EXT1: variants seen among roughly 807,000 people sequenced by gnomAD.
The protein encoded by EXT1 is exostosin-1.
EXT1 carries 20 observed loss-of-function variants against 82.5 expected under a neutral mutation model. The ratio of observed to expected loss-of-function variants is 0.24; its 90% CI spans 0.17 to 0.35. The LOEUF (loss-of-function observed/expected upper bound fraction) is 0.35. EXT1 is among the 10% of genes least tolerant of loss of function. The pLI, the probability that EXT1 is intolerant of heterozygous loss-of-function variation, is 1.00. For missense variants in EXT1, 757 were observed against 936.5 expected, an observed-to-expected ratio of 0.81 and a Z score of 2.50; for synonymous variants, 348 against 350.8, an observed-to-expected ratio of 0.99 and a Z score of 0.09.
intron 1 of EXT1, among the ~76,000 whole-genome samples, chr8:117,905,810 C>CA (rs1393318941): frequency 5.3e-5 from 8 of 151,888 alleles, no homozygotes; most frequent in South Asian, 2.1e-4. Context: ...GACTCCGTCT[C>CA]AAAAAAACAA....
intron 1 of EXT1, among the ~76,000 whole-genome samples, chr8:117,849,669 G>C (rs1423861815): frequency 2.6e-5 from 4 of 152,168 alleles, no homozygotes; most frequent in Admixed American, 2.6e-4. Context: ...AATGTCTGCA[G>C]AAGAAATTTC....
At chr8:117,947,220 T>G (rs550999828) in intron 1 of EXT1, among the ~76,000 whole-genome samples, 1 of 152,294 alleles carries the variant, frequency 6.6e-6, no homozygotes, top group Admixed American at 6.5e-5. Context: ...GGTAAAATGT[T>G]CTGTCTCTCC....
intron 10 of EXT1, 111 bp from the exon 11 acceptor site, chr8:117,800,008 G>T (rs1214416638): frequency 3.5e-6 from 4 of 1,158,158 alleles, no homozygotes; most frequent in African/African-American, 1.5e-5. Flanking sequence ...CTTGGGGTCT[G>T]GCCCGGCCAC....
intron 1 of EXT1, among the ~76,000 whole-genome samples, chr8:117,996,088 T>C (rs1332753184): frequency 6.6e-6 from 1 of 152,176 alleles, no homozygotes; most frequent in Non-Finnish European, 1.5e-5. Flanking sequence ...ATAAATATAA[T>C]ACAGTGGAAG....
chr8:118,110,048 G>C lies in EXT1; in HGVS notation c.962+37C>G, dbSNP rs915181355. On this transcript the variant is annotated intron_variant, in intron 1 of 10. Transcript: ENST00000378204. ...CTGGACCAAGGCCGGCAGAGCCCAA[G>C]GCTGACTCCCAAAGACACGCCAGCC... The C allele has an allele frequency of 7.4e-6, 12 of 1,612,810 alleles. No individual in the cohort carries two copies. The South Asian group carries it at 1.1e-4, about 15-fold the overall frequency.
At chr8:117,810,730 C>T (rs1823305244) in intron 8 of EXT1, among the ~76,000 whole-genome samples, 1 of 152,170 alleles carries the variant, frequency 6.6e-6, no homozygotes, top group African/African-American at 2.4e-5. Flanking sequence ...CCTGTGTTTG[C>T]CCTCCAAAAT....
At chr8:117,804,953 T>C in intron 9 of EXT1, 60 bp from the exon 10 acceptor site, 1 of 1,547,376 alleles carries the variant, frequency 6.5e-7, no homozygotes, top group Non-Finnish European at 8.9e-7. Context: ...CAAGTGGACT[T>C]CTGAGACAGA....
In EXT1 at chr8:117,819,743, AGGG is replaced by A. The variant is rs886039355; in HGVS notation, c.1466_1468del (p.Pro489del). ...CAACACTGGCTGGGACTGAGAGACC[AGGG>A]GGGTCACCGCATGGATGACTGCAGT... On this transcript the variant is annotated inframe_deletion, in exon 6 of 11. Transcript: ENST00000378204. 1 of 1,613,278 alleles carries A rather than the reference AGGG, an allele frequency of 6.2e-7. No homozygotes were observed. Among genetic ancestry groups the A allele is most frequent in the Admixed American group, 1.7e-5 (1 of 60,006 alleles).
chr8:117,993,735 C>T (rs911134789), intron 1 of EXT1, among the ~76,000 whole-genome samples: 1 of 152,200 alleles, frequency 6.6e-6, no homozygotes, highest in African/African-American at 2.4e-5. Context: ...GAAACCCGTA[C>T]AACTGTAATT....
rs779457389 is a variant in EXT1 at position 118,110,778 on chromosome 8, G to C, written c.269C>G (p.Ser90Cys). The C allele has an allele frequency of 3.7e-6, 6 of 1,614,048 alleles. No homozygotes were observed. The highest frequency in any genetic ancestry group is 4.2e-6 in the Non-Finnish European group (5 of 1,179,942). ...ISPRQKRDAN[S>C]SIYKGKKCRM... ...GCACTTCTTGCCTTTGTAGATGCTGGAGTTGGCATCTCGCTTCTGCCGGGG... is the reference window on the plus strand; with the variant it reads ...GCACTTCTTGCCTTTGTAGATGCTGCAGTTGGCATCTCGCTTCTGCCGGGG... The change falls in exon 1 of 11, where the codon TCC becomes TGC. Residue 90 changes from serine (S) to cysteine (C), a missense_variant. This residue lies in a region of EXT1 where 175 missense variants were observed against 159.0 expected (regional missense o/e 1.10). Transcript: ENST00000378204.
chr8:117,900,855 A>G (rs1813433590), intron 1 of EXT1, among the ~76,000 whole-genome samples: 1 of 152,248 alleles, frequency 6.6e-6, no homozygotes, highest in Non-Finnish European at 1.5e-5. Flanking sequence ...GCTACCATTT[A>G]TTGGTACTTC....
At chr8:117,958,719 C>T (rs1218042472) in intron 1 of EXT1, among the ~76,000 whole-genome samples, 2 of 152,140 alleles carry the variant, frequency 1.3e-5, no homozygotes, top group Admixed American at 1.3e-4. Context: ...TACTATGTAC[C>T]GAAAGGCACT....
At chr8:118,108,817 CT>C (rs1197795553) in intron 1 of EXT1, among the ~76,000 whole-genome samples, 1 of 152,190 alleles carries the variant, frequency 6.6e-6, no homozygotes, top group Non-Finnish European at 1.5e-5. Context: ...CACCATACCC[CT>C]TCCTGTTCCA....
chr8:117,902,587 T>A (rs980111242), intron 1 of EXT1, among the ~76,000 whole-genome samples: 1 of 152,186 alleles, frequency 6.6e-6, no homozygotes, highest in African/African-American at 2.4e-5. Context: ...ATTGTTATAA[T>A]TAGCTCACAC....
At chr8:118,044,229 C>A (rs1378644458) in intron 1 of EXT1, among the ~76,000 whole-genome samples, 1 of 152,156 alleles carries the variant, frequency 6.6e-6, no homozygotes, top group Non-Finnish European at 1.5e-5. Context: ...ACACCACAAA[C>A]TTGTTCTTCT....
intron 1 of EXT1, among the ~76,000 whole-genome samples, chr8:117,869,548 T>C (rs1812834346): frequency 6.6e-6 from 1 of 152,176 alleles, no homozygotes; most frequent in Admixed American, 6.5e-5. Context: ...ACTTAGTAAA[T>C]TTCCTTCTTT....
chr8:117,924,859 C>T (rs1246733978), intron 1 of EXT1, among the ~76,000 whole-genome samples: 1 of 152,144 alleles, frequency 6.6e-6, no homozygotes, highest in Non-Finnish European at 1.5e-5. Flanking sequence ...TAGGCAAATG[C>T]CTCTTGAAAT....
At chr8:118,042,957 C>T (rs1327520979) in intron 1 of EXT1, among the ~76,000 whole-genome samples, 1 of 152,176 alleles carries the variant, frequency 6.6e-6, no homozygotes, top group Non-Finnish European at 1.5e-5. Context: ...TACAAAGAAA[C>T]TTTTGAGCCC....
At chr8:117,949,278 C>G (rs1814444837) in intron 1 of EXT1, among the ~76,000 whole-genome samples, 1 of 151,956 alleles carries the variant, frequency 6.6e-6, no homozygotes. Flanking sequence ...GCAGTTGAAA[C>G]CAGTTAAATA....
Sources: allele counts gnomAD v4.1 joint callset (sites outside exome capture counted in the v4.1 genomes callset), GRCh38; gene constraint gnomAD v4.1.1; regional missense constraint gnomAD v4.1.1; transcripts MANE v1.5; gene names NCBI Gene and HGNC (gene_info 2026-07-23, HGNC 2026-07-21).